Variants in RYR3 observed in about 807,000 individuals in gnomAD.
RYR3 encodes ryanodine receptor 3.
A neutral mutation model predicts 584.3 loss-of-function variants in RYR3; 207 were observed. The observed-to-expected ratio is 0.35, with a 90% confidence interval of 0.32 to 0.40. The LOEUF (loss-of-function observed/expected upper bound fraction) is 0.40, where lower values mean the gene tolerates loss of function less well. Ranked by LOEUF, RYR3 falls within the 10% of genes least tolerant of loss-of-function variation. The pLI is 1.00. For synonymous variants in RYR3, 2,416 were observed against 2,248.5 expected (o/e 1.07, Z -2.11); for missense variants, 5,616 against 6,089.2 (o/e 0.92, Z 2.59).
At chr15:33,639,348 G>C (rs1401410247) in intron 27 of RYR3, among the ~76,000 whole-genome samples, 1 of 152,180 alleles carries the variant, frequency 6.6e-6, no homozygotes, top group Non-Finnish European at 1.5e-5. Context: ...AGCTCTTTCA[G>C]TTCCGCAATG....
In RYR3 at chr15:33,807,725, C is replaced by T; in HGVS notation, c.10026+156C>T. 8.0e-6 allele frequency: 6 copies of T among 751,848 alleles called. No individual in the cohort carries two copies. In the Admixed American group the frequency reaches 1.4e-4, roughly 17 times the overall value. 46.6% of individuals were successfully genotyped at this position (751,848 alleles called of 1,614,324 possible). A position where few individuals can be genotyped will look rare whatever the true frequency, so the allele number is the denominator to read the frequency against. On this transcript the variant is annotated intron_variant, in intron 70 of 103. Transcript: ENST00000634891. The stretch of plus-strand genomic sequence containing the variant: ...TGCTCCAGGGAAGACAACTGCCTGT[C>T]AAAGAGTGAATGTAGGCCTACCCAC...
chr15:33,785,771 G>C lies in RYR3; in HGVS notation c.9378G>C (p.Glu3126Asp), dbSNP rs370051011. The C allele has an allele frequency of 7.4e-6, 12 of 1,613,890 alleles. No homozygotes were observed. In the African/African-American group the frequency reaches 1.5e-4, roughly 20 times the overall value. Residue 3126 changes from glutamate (E) to aspartate (D), a missense_variant, in exon 66 of 104, where the codon GAG becomes GAC. Glu to Asp is a conservative substitution (Grantham distance 45). Coordinates refer to ENST00000634891, the MANE Select transcript of RYR3 (RefSeq NM_001036.6). ...CCGAGTCAGGGGCCCGGTACACAGA[G>C]ATGCCCCATGTCATCGAGGTGATCT... is the stretch of plus-strand genomic sequence containing the variant. ...DLAESGARYT[E>D]MPHVIEVILP...
chr15:33,314,906 T>TC (rs1967910215), intron 1 of RYR3, among the ~76,000 whole-genome samples: 1 of 149,614 alleles, frequency 6.7e-6, no homozygotes, highest in South Asian at 2.1e-4. Context: ...AGAGCAAGAC[T>TC]CAGTCTCAAA....
chr15:33,835,666 C>T (rs990060473), intron 87 of RYR3, among the ~76,000 whole-genome samples: 1 of 152,202 alleles, frequency 6.6e-6, no homozygotes, highest in Non-Finnish European at 1.5e-5. Context: ...GTAACATTTG[C>T]AGCTTTAACT....
chr15:33,689,474 TTATG>T (rs1235352106), intron 38 of RYR3, among the ~76,000 whole-genome samples: 1 of 152,164 alleles, frequency 6.6e-6, no homozygotes, highest in Non-Finnish European at 1.5e-5. Context: ...TACAGGTACT[TTATG>T]TATGAATCAT....
intron 1 of RYR3, among the ~76,000 whole-genome samples, chr15:33,391,618 T>A (rs1421333421): frequency 4.3e-5 from 5 of 117,298 alleles, no homozygotes; most frequent in Non-Finnish European, 7.0e-5. Context: ...AGAGCGAGAC[T>A]CTGTCTCAAA....
Position 33,554,950 on chromosome 15 carries a change from G to A in RYR3, c.972+4634G>A, listed in dbSNP as rs140188379. 1.3e-4 allele frequency among the ~76,000 whole-genome samples: 20 copies of A among 152,254 alleles called. No homozygotes were observed. In the East Asian group the frequency reaches 2.3e-3, roughly 18 times the overall value. On this transcript the variant is annotated intron_variant, in intron 10 of 103. Coordinates refer to ENST00000634891, the MANE Select transcript of RYR3 (RefSeq NM_001036.6). The stretch of plus-strand genomic sequence containing the variant: ...CGCTTTTTGTAAAGCCACTTTAGAA[G>A]TGCTTTAAATAGCCACTTTAAATGA...
At chr15:33,466,130 GA>G (rs2048468558) in intron 1 of RYR3, among the ~76,000 whole-genome samples, 1 of 152,150 alleles carries the variant, frequency 6.6e-6, no homozygotes, top group Non-Finnish European at 1.5e-5. Context: ...ACAAACTTGG[GA>G]GTCCTTAAAA....
At chr15:33,483,607 C>T (rs989839420) in intron 2 of RYR3, among the ~76,000 whole-genome samples, 2 of 152,146 alleles carry the variant, frequency 1.3e-5, no homozygotes, top group African/African-American at 4.8e-5. Context: ...TTTCTAAACA[C>T]CTCTAAATAG....
chr15:33,738,342 T>A, intron 49 of RYR3, 108 bp from the exon 50 acceptor site: 1 of 1,151,946 alleles, frequency 8.7e-7, no homozygotes, highest in Non-Finnish European at 1.2e-6. Flanking sequence ...TTCGCATGTT[T>A]CATTCTCATG....
chr15:33,475,327 C>G (rs1034894409), intron 2 of RYR3, among the ~76,000 whole-genome samples: 3 of 152,162 alleles, frequency 2.0e-5, no homozygotes, highest in Non-Finnish European at 4.4e-5. Context: ...CAGTTCCCAA[C>G]CTTTTTGGCA....
At chr15:33,508,578 A>C (rs886768046) in intron 3 of RYR3, among the ~76,000 whole-genome samples, 4 of 152,186 alleles carry the variant, frequency 2.6e-5, no homozygotes, top group African/African-American at 9.7e-5. Flanking sequence ...TGAACCTGGG[A>C]GGTGGAGCTT....
chr15:33,853,742 C>T (rs1015955598), intron 96 of RYR3, 60 bp downstream of exon 96: 10 of 1,563,068 alleles, frequency 6.4e-6, no homozygotes, highest in Non-Finnish European at 8.7e-6. Flanking sequence ...CTTTGCTTTT[C>T]CATAGGAAAA....
rs551124941 is a variant in RYR3 at position 33,837,762 on chromosome 15, T to A, written c.11782T>A (p.Phe3928Ile). The change falls in exon 89 of 104, where the codon TTC becomes ATC. Residue 3928 changes from phenylalanine to isoleucine, a missense_variant. By Grantham distance (21) the Phe-to-Ile change is conservative. Transcript: ENST00000634891. ...TAAAGACTTAACCAGCTCAGACACCTTCAAAGAATATGACCCAGATGGTAA... is the reference window on the plus strand; with the variant it reads ...TAAAGACTTAACCAGCTCAGACACCATCAAAGAATATGACCCAGATGGTAA... ...KLKDLTSSDT[F>I]KEYDPDGKGI... The A allele has an allele frequency of 6.2e-7, 1 of 1,613,864 alleles. No homozygotes were observed. The highest frequency in any genetic ancestry group is 1.1e-5 in the South Asian group (1 of 91,056).
chr15:33,835,271 C>T (rs1054559825), intron 87 of RYR3, among the ~76,000 whole-genome samples, 199 bp downstream of exon 87: 1 of 152,124 alleles, frequency 6.6e-6, no homozygotes, highest in Non-Finnish European at 1.5e-5. Flanking sequence ...CCCAGACAGG[C>T]TTTTGCATGA....
intron 21 of RYR3, 94 bp downstream of exon 21, chr15:33,628,669 C>T (rs991321317): frequency 7.6e-6 from 6 of 791,294 alleles, no homozygotes; most frequent in Non-Finnish European, 1.1e-5. Context: ...TCATTGCATT[C>T]ACTAGTTAGG....
In RYR3 at chr15:33,601,420, TTCTGGATATCCTGTGCTCCC is replaced by T. The variant is rs2152551537; in HGVS notation, c.1795_1814del (p.Asp599SerfsTer16). 1 of 1,612,078 alleles carries T rather than the reference TTCTGGATATCCTGTGCTCCC, an allele frequency of 6.2e-7. No individual in the cohort carries two copies. The highest frequency in any genetic ancestry group is 8.5e-7 in the Non-Finnish European group (1 of 1,179,182). On this transcript the variant is annotated frameshift_variant and splice_region_variant, in exon 17 of 104. Coordinates refer to ENST00000634891, the MANE Select transcript of RYR3 (RefSeq NM_001036.6). LOFTEE classifies it high-confidence loss of function. ...TTTGGTGGGTGTGTCCTGCTGCAGGTTCTGGATATCCTGTGCTCCCTCTGTCTCTGCAATGGGGTTGCAGT... is the reference window on the plus strand; with the variant it reads ...TTTGGTGGGTGTGTCCTGCTGCAGGTTCTGTCTCTGCAATGGGGTTGCAGT...
chr15:33,764,457 T>C (rs1276359982), intron 60 of RYR3, among the ~76,000 whole-genome samples: 1 of 151,910 alleles, frequency 6.6e-6, no homozygotes, highest in Non-Finnish European at 1.5e-5. Context: ...GGGATAGCAT[T>C]AGGAGAAATA....
chr15:33,840,490 C>G, intron 89 of RYR3: 1 of 301,580 alleles, frequency 3.3e-6, no homozygotes. Flanking sequence ...GCTGATCAAA[C>G]TTGGTTTGAT....
Sources: allele counts gnomAD v4.1 joint callset (sites outside exome capture counted in the v4.1 genomes callset), GRCh38; gene constraint gnomAD v4.1.1; transcripts MANE v1.5; gene names NCBI Gene and HGNC (gene_info 2026-07-23, HGNC 2026-07-21).